Variants in SAMD4A observed in about 807,000 individuals in gnomAD.
The protein encoded by SAMD4A is sterile alpha motif domain containing 4A.
Under a neutral mutation model 81.3 loss-of-function variants are expected in SAMD4A, and 33 were observed. The observed-to-expected ratio is 0.41, with a 90% CI of 0.31 to 0.54. The LOEUF is 0.54. SAMD4A is among the 20% of genes least tolerant of loss of function. The pLI is 0.37. For synonymous variants in SAMD4A, 389 were observed against 382.1 expected (o/e 1.02, Z -0.21); for missense variants, 854 against 951.1 (o/e 0.90, Z 1.34).
At chr14:54,775,322 C>T (rs1453763964) in intron 10 of SAMD4A, among the ~76,000 whole-genome samples, 187 bp downstream of exon 10, 1 of 152,208 alleles carries the variant, frequency 6.6e-6, no homozygotes, top group African/African-American at 2.4e-5. Context: ...AACCCCATAG[C>T]TGTGTTTAGG....
At chr14:54,682,973 G>A (rs987706369) in intron 2 of SAMD4A, among the ~76,000 whole-genome samples, 5 of 152,308 alleles carry the variant, frequency 3.3e-5, no homozygotes, top group South Asian at 2.1e-4. Flanking sequence ...GCTGGCTGCC[G>A]TGCAGTGCTT....
chr14:54,612,276 C>T (rs770314497), intron 2 of SAMD4A, among the ~76,000 whole-genome samples: 3 of 152,106 alleles, frequency 2.0e-5, no homozygotes, highest in African/African-American at 4.8e-5. Flanking sequence ...TTCCTTCAGT[C>T]TGTCCCTTAA....
At chr14:54,577,602 T>TG (rs1205951877) in intron 2 of SAMD4A, among the ~76,000 whole-genome samples, 1 of 152,172 alleles carries the variant, frequency 6.6e-6, no homozygotes, top group Non-Finnish European at 1.5e-5. Context: ...ACTTACAACT[T>TG]CATATGAATA....
Position 54,676,030 on chromosome 14 carries a change from C to T in SAMD4A, c.197-26032C>T, listed in dbSNP as rs186020948. Reference sequence around the variant, plus strand: ...ATCTATTCATCTGTGTGTGCTGACTCGTGCCTAAACATTAGAGGCCAAATC... The same window carrying T: ...ATCTATTCATCTGTGTGTGCTGACTTGTGCCTAAACATTAGAGGCCAAATC... On this transcript the variant is annotated intron_variant, in intron 2 of 12. Transcript: ENST00000554335. Among the ~76,000 whole-genome samples the T allele has an allele frequency of 9.2e-5, 14 of 152,268 alleles. No individual in the cohort carries two copies. In the East Asian group the frequency reaches 1.7e-3, roughly 19 times the overall value.
At chr14:54,649,487 A>G (rs1013374970) in intron 2 of SAMD4A, among the ~76,000 whole-genome samples, 2 of 152,180 alleles carry the variant, frequency 1.3e-5, no homozygotes, top group Non-Finnish European at 2.9e-5. Context: ...TCCCACACTT[A>G]GAGGCTTTGG....
intron 3 of SAMD4A, among the ~76,000 whole-genome samples, chr14:54,718,729 C>T (rs939257014): frequency 6.6e-6 from 1 of 151,846 alleles, no homozygotes; most frequent in African/African-American, 2.4e-5. Flanking sequence ...TTGGGCCAGG[C>T]ACAGTAGCTT....
At position 54,567,518 on chromosome 14, in the gene SAMD4A, C is replaced by T. The variant is rs2032975776; in HGVS notation, c.-399C>T. On this transcript the variant is annotated 5_prime_UTR_variant, in exon 2 of 13. Transcript: ENST00000554335. ...CAGTGGTGATCGCCGCTCGGGAATG[C>T]GGGCGTGAAGGGTCCGAGTTGCCGC... 1 of 211,372 alleles carries T rather than the reference C, an allele frequency of 4.7e-6. No homozygotes were observed. Among genetic ancestry groups the T allele is most frequent in the Non-Finnish European group, 9.4e-6 (1 of 105,836 alleles). The allele number at this position is 211,372 out of a possible 1,614,324, so 13.1% of individuals were successfully genotyped here. A position where few individuals can be genotyped will look rare whatever the true frequency, so the allele number is the denominator to read the frequency against.
At chr14:54,632,571 C>T (rs1040787391) in intron 2 of SAMD4A, among the ~76,000 whole-genome samples, 1 of 152,168 alleles carries the variant, frequency 6.6e-6, no homozygotes, top group Non-Finnish European at 1.5e-5. Flanking sequence ...ATTTGTTCTA[C>T]ACTTCACTTT....
In SAMD4A at chr14:54,737,024, T is replaced by A; in HGVS notation, c.716T>A (p.Ile239Asn). The change falls in exon 4 of 13, where the codon ATT becomes AAT. Residue 239 changes from isoleucine (I) to asparagine (N), a missense_variant and splice_region_variant. Ile to Asn is a moderately radical substitution (Grantham distance 149). Transcript: ENST00000554335. ...INTIGTSTSTILSGQAHHSPL... is the reference protein window; with the variant it reads ...INTIGTSTSTNLSGQAHHSPL... ...TATTTCATTTTATTTTTTTTTCCAG[T>A]TCTCTCAGGCCAGGCACACCACAGC... The A allele has an allele frequency of 6.2e-7, 1 of 1,613,326 alleles. No individual in the cohort carries two copies. The highest frequency in any genetic ancestry group is 1.7e-5 in the Admixed American group (1 of 59,934).
At chr14:54,649,278 G>A (rs573841279) in intron 2 of SAMD4A, among the ~76,000 whole-genome samples, 19 of 152,344 alleles carry the variant, frequency 1.2e-4, no homozygotes, top group Admixed American at 1.0e-3. Flanking sequence ...GGAGCCAGAA[G>A]AGGAAGAGAA....
intron 6 of SAMD4A, among the ~76,000 whole-genome samples, chr14:54,756,149 T>G (rs1261037188): frequency 2.6e-5 from 4 of 152,204 alleles, no homozygotes; most frequent in Non-Finnish European, 5.9e-5. Context: ...CTTATACCAG[T>G]AAGGTGCATT....
chr14:54,606,183 CTGTGTGTG>C (rs57209362), intron 2 of SAMD4A, among the ~76,000 whole-genome samples: 5 of 146,678 alleles, frequency 3.4e-5, no homozygotes, highest in Middle Eastern at 3.5e-3. Context: ...TACTTCTGGG[CTGTGTGTG>C]TGTGTGTGTG....
intron 2 of SAMD4A, chr14:54,685,671 C>T (rs1490356970): frequency 2.2e-6 from 1 of 456,294 alleles, no homozygotes; most frequent in African/African-American, 2.0e-5. Context: ...CTTTAGTAAC[C>T]CCAGCTCTCT....
At chr14:54,668,069 A>C (rs1246141157) in intron 2 of SAMD4A, among the ~76,000 whole-genome samples, 2 of 152,152 alleles carry the variant, frequency 1.3e-5, no homozygotes, top group Non-Finnish European at 2.9e-5. Flanking sequence ...CCGCCTCAAA[A>C]ACTGCCCATT....
Position 54,635,620 on chromosome 14 carries a change from T to C in SAMD4A, c.197-66442T>C, listed in dbSNP as rs144097729. ...AAAATTAGCTGGGTGTGGTGGCTCA[T>C]ACCTGTAATCCCAGCTACTTGGGAG... On this transcript the variant is annotated intron_variant, in intron 2 of 12. Coordinates refer to ENST00000554335, the MANE Select transcript of SAMD4A (RefSeq NM_015589.6). Among the ~76,000 whole-genome samples the C allele has an allele frequency of 8.8e-3, 1,296 of 147,174 alleles. 19 individuals carry two copies. The highest frequency in any genetic ancestry group is 0.031 in the African/African-American group (1,242 of 39,578).
intron 2 of SAMD4A, among the ~76,000 whole-genome samples, chr14:54,621,873 C>T (rs2034626303): frequency 6.6e-6 from 1 of 152,150 alleles, no homozygotes; most frequent in Admixed American, 6.5e-5. Context: ...TTAATGCCAG[C>T]AAAGCAGGAG....
In SAMD4A at chr14:54,695,991, G is replaced by T. The variant is rs184425627; in HGVS notation, c.197-6071G>T. 4.5e-3 allele frequency among the ~76,000 whole-genome samples: 679 copies of T among 151,824 alleles called. 4 individuals carry two copies. Among genetic ancestry groups the T allele is most frequent in the South Asian group, 8.3e-3 (40 of 4,798 alleles). ...AAAAAAAAGAAAAAGAAAATAGGGG[G>T]AGGGTTTATATCTTTTCAATCCTTT... is the stretch of plus-strand genomic sequence containing the variant. On this transcript the variant is annotated intron_variant, in intron 2 of 12. Coordinates refer to ENST00000554335, the MANE Select transcript of SAMD4A (RefSeq NM_015589.6).
At chr14:54,670,600 A>T (rs1406092581) in intron 2 of SAMD4A, among the ~76,000 whole-genome samples, 1 of 152,224 alleles carries the variant, frequency 6.6e-6, no homozygotes, top group African/African-American at 2.4e-5. Flanking sequence ...AGGATAATAA[A>T]GCCTGGCTTG....
intron 10 of SAMD4A, among the ~76,000 whole-genome samples, chr14:54,775,729 AG>A (rs1222005599): frequency 6.6e-6 from 1 of 152,102 alleles, no homozygotes; most frequent in Non-Finnish European, 1.5e-5. Flanking sequence ...CTCTGTGGGT[AG>A]GGATTAGGAT....
Sources: allele counts gnomAD v4.1 joint callset (sites outside exome capture counted in the v4.1 genomes callset), GRCh38; gene constraint gnomAD v4.1.1; transcripts MANE v1.5; gene names NCBI Gene and HGNC (gene_info 2026-07-23, HGNC 2026-07-21).